COLGALT2: variants seen among roughly 807,000 people sequenced by gnomAD.
COLGALT2 encodes procollagen galactosyltransferase 2.
Under a neutral mutation model 73.4 loss-of-function variants are expected in COLGALT2, and 49 were observed. The observed-to-expected ratio is 0.67, with a 90% CI of 0.53 to 0.85. The LOEUF (loss-of-function observed/expected upper bound fraction) is 0.85, where lower values mean the gene tolerates loss of function less well. Ranked by LOEUF, COLGALT2 falls within the 40% of genes least tolerant of loss-of-function variation. COLGALT2 has a pLI of 0.00. For missense variants in COLGALT2, 722 were observed against 790.2 expected (o/e 0.91, Z 1.03); for synonymous variants, 295 against 307.6 (o/e 0.96, Z 0.43).
At chr1:184,009,895 G>T (rs1339786880) in intron 1 of COLGALT2, among the ~76,000 whole-genome samples, 2 of 152,168 alleles carry the variant, frequency 1.3e-5, no homozygotes, top group South Asian at 2.1e-4. Context: ...CCAAGGCTCT[G>T]CCCAGTGTAG....
chr1:184,037,452 C>G lies in COLGALT2; in HGVS notation c.-95G>C. 8.2e-7 allele frequency: 1 copy of G among 1,219,140 alleles called. No homozygotes were observed. The highest frequency in any genetic ancestry group is 1.0e-6 in the Non-Finnish European group (1 of 981,426). 75.5% of individuals were successfully genotyped at this position (1,219,140 alleles called of 1,614,324 possible). A position where few individuals can be genotyped will look rare whatever the true frequency, so the allele number is the denominator to read the frequency against. On this transcript the variant is annotated 5_prime_UTR_variant, in exon 1 of 12. Coordinates refer to ENST00000361927, the MANE Select transcript of COLGALT2 (RefSeq NM_015101.4). ...GCGGCTGCCGGGGAGCAAGGGGCTGCGAGGGGCGGCCGGGGGATGCGGCTT... is the reference window on the plus strand; with the variant it reads ...GCGGCTGCCGGGGAGCAAGGGGCTGGGAGGGGCGGCCGGGGGATGCGGCTT...
At chr1:184,014,744 AG>A (rs1227153066) in intron 1 of COLGALT2, among the ~76,000 whole-genome samples, 2 of 152,362 alleles carry the variant, frequency 1.3e-5, no homozygotes, top group East Asian at 3.9e-4. Context: ...AGTAAAAATG[AG>A]AAGTTTACTT....
chr1:183,972,759 GC>G (rs1413235601), intron 4 of COLGALT2, among the ~76,000 whole-genome samples: 1 of 151,812 alleles, frequency 6.6e-6, no homozygotes, highest in African/African-American at 2.4e-5. Context: ...GAGCGCAGTG[GC>G]GCGACCTCGG....
In COLGALT2 at chr1:184,037,393, C is replaced by G. The variant is rs1014861793; in HGVS notation, c.-36G>C. ...GAGGCGGGCGGCGGGGAAGTCCTGG[C>G]GCGAGCGCCCGGCTGGGCTGCCTGA... On this transcript the variant is annotated 5_prime_UTR_variant, in exon 1 of 12. Transcript: ENST00000361927. 1 of 1,346,486 alleles carries G rather than the reference C, an allele frequency of 7.4e-7. No homozygotes were observed. Among genetic ancestry groups the G allele is most frequent in the Admixed American group, 3.6e-5 (1 of 27,922 alleles). 83.4% of individuals were successfully genotyped at this position (1,346,486 alleles called of 1,614,324 possible).
chr1:184,030,422 A>G (rs1649473122), intron 1 of COLGALT2, among the ~76,000 whole-genome samples: 1 of 152,202 alleles, frequency 6.6e-6, no homozygotes, highest in Non-Finnish European at 1.5e-5. Flanking sequence ...ACTTTACTGT[A>G]TGTTGTTATG....
At chr1:183,989,204 G>C (rs750148242) in intron 1 of COLGALT2, among the ~76,000 whole-genome samples, 3 of 152,266 alleles carry the variant, frequency 2.0e-5, no homozygotes, top group Middle Eastern at 6.8e-3. Flanking sequence ...AGATGCAAGG[G>C]CCCAGGAATG....
At chr1:183,974,636 A>G (rs1671140920) in intron 3 of COLGALT2, among the ~76,000 whole-genome samples, 1 of 152,250 alleles carries the variant, frequency 6.6e-6, no homozygotes, top group Non-Finnish European at 1.5e-5. Flanking sequence ...CTCCAAAGAG[A>G]GCATCACTGT....
At chr1:184,020,964 G>T (rs774462295) in intron 1 of COLGALT2, among the ~76,000 whole-genome samples, 36 of 152,026 alleles carry the variant, frequency 2.4e-4, no homozygotes, top group Non-Finnish European at 4.7e-4. Flanking sequence ...ATGGGGGCTG[G>T]CATTCCCCAG....
intron 1 of COLGALT2, among the ~76,000 whole-genome samples, chr1:183,999,112 ATTGTT>A (rs1671847526): frequency 6.6e-6 from 1 of 151,528 alleles, no homozygotes; most frequent in South Asian, 2.1e-4. Context: ...GGCTTTTCTT[ATTGTT>A]TTGTTTTGTG....
chr1:183,970,560 T>C (rs1206048002), intron 4 of COLGALT2, among the ~76,000 whole-genome samples: 1 of 152,164 alleles, frequency 6.6e-6, no homozygotes, highest in Non-Finnish European at 1.5e-5. Context: ...GAGCTAACCC[T>C]AATGCCGACC....
chr1:184,006,369 G>A (rs1454374823), intron 1 of COLGALT2, among the ~76,000 whole-genome samples: 1 of 152,150 alleles, frequency 6.6e-6, no homozygotes, highest in Non-Finnish European at 1.5e-5. Context: ...CGGATCACCT[G>A]AGGTCGGGAG....
chr1:184,016,725 CTA>C (rs998444952), intron 1 of COLGALT2, among the ~76,000 whole-genome samples: 11 of 152,010 alleles, frequency 7.2e-5, no homozygotes, highest in African/African-American at 2.7e-4. Context: ...TATAAAGTAA[CTA>C]TTTGTTCAAA....
At chr1:183,970,457 T>C (rs1373758163) in intron 4 of COLGALT2, among the ~76,000 whole-genome samples, 1 of 152,186 alleles carries the variant, frequency 6.6e-6, no homozygotes, top group Non-Finnish European at 1.5e-5. Context: ...CATGGTTACA[T>C]TTCCTGTTGT....
rs1381392076 is a variant in COLGALT2 at position 184,037,196 on chromosome 1, C to A, written c.162G>T (p.Thr54=). ...VFPESPLQSP[T]VLVAVLARNA... ...TGCGGGCGAGGACCGCCACGAGCAC[C>A]GTGGGGCTCTGCAGGGGCGACTCCG... The change falls in exon 1 of 12, where the codon ACG becomes ACT. Residue 54 remains threonine, a synonymous_variant. Coordinates refer to ENST00000361927, the MANE Select transcript of COLGALT2 (RefSeq NM_015101.4). 1 of 1,605,122 alleles carries A rather than the reference C, an allele frequency of 6.2e-7. No individual in the cohort carries two copies. The highest frequency in any genetic ancestry group is 8.5e-7 in the Non-Finnish European group (1 of 1,177,276).
intron 1 of COLGALT2, among the ~76,000 whole-genome samples, chr1:184,032,102 C>T (rs971110419): frequency 6.6e-6 from 1 of 152,078 alleles, no homozygotes; most frequent in Non-Finnish European, 1.5e-5. Context: ...CCATGTTGCC[C>T]AGGCTGGTCT....
At chr1:184,027,972 G>A (rs1649380911) in intron 1 of COLGALT2, among the ~76,000 whole-genome samples, 1 of 152,192 alleles carries the variant, frequency 6.6e-6, no homozygotes, top group Non-Finnish European at 1.5e-5. Context: ...CACAAGGAAA[G>A]CAGTGGCGTG....
intron 1 of COLGALT2, among the ~76,000 whole-genome samples, chr1:183,981,451 G>C (rs970140312): frequency 2.0e-5 from 3 of 151,562 alleles, no homozygotes; most frequent in Non-Finnish European, 2.9e-5. Flanking sequence ...TCAGGAGTTT[G>C]AGACCAGCCT....
At chr1:183,953,410 G>A (rs901044048) in intron 7 of COLGALT2, among the ~76,000 whole-genome samples, 2 of 152,122 alleles carry the variant, frequency 1.3e-5, no homozygotes, top group African/African-American at 2.4e-5. Flanking sequence ...TCCTTACACC[G>A]TGTCCTGCCC....
chr1:183,988,155 A>G (rs1001093328), intron 1 of COLGALT2, among the ~76,000 whole-genome samples: 1 of 152,226 alleles, frequency 6.6e-6, no homozygotes, highest in Non-Finnish European at 1.5e-5. Context: ...AAAGACAAAC[A>G]TGCACAGATT....
Sources: gnomAD v4.1 joint callset for allele counts (sites outside exome capture counted in the v4.1 genomes callset) on GRCh38, gnomAD v4.1.1 for gene constraint, MANE v1.5 for transcripts, NCBI Gene and HGNC (gene_info 2026-07-23, HGNC 2026-07-21) for gene names.